The following MSH4 variants were observed in gnomAD, a reference collection of about 807,000 sequenced individuals.
The protein encoded by MSH4 is mutS protein homolog 4.
Under a neutral mutation model 113.7 loss-of-function variants are expected in MSH4, and 106 were observed. That is an observed-to-expected ratio of 0.93 (90% CI 0.80 to 1.10). MSH4 has a LOEUF of 1.10. Ranked by LOEUF, MSH4 falls within the 50% of genes least tolerant of loss-of-function variation. The pLI, the probability that MSH4 is intolerant of heterozygous loss-of-function variation, is 0.00. For missense variants in MSH4, 1,061 were observed against 1,093.7 expected (o/e 0.97, Z 0.42); for synonymous variants, 368 against 380.2 (o/e 0.97, Z 0.37).
At chr1:75,898,206 T>G in intron 18 of MSH4, 125 bp downstream of exon 18, 1 of 503,210 alleles carries the variant, frequency 2.0e-6, no homozygotes, top group Non-Finnish European at 3.4e-6. Context: ...AGTGCTTATA[T>G]TCTCTTAGAT....
rs149910287 is a variant in MSH4 at position 75,883,664 on chromosome 1, G to A, written c.1950G>A (p.Trp650Ter). The A allele has an allele frequency of 6.8e-6, 11 of 1,613,006 alleles. No individual in the cohort carries two copies. Among genetic ancestry groups the A allele is most frequent in the Non-Finnish European group, 9.3e-6 (11 of 1,179,578 alleles). ...ATACTTTAGCAATCAAACAGGGATGGCATCCTATTCTTGAAAAAATATCTG... is the reference window on the plus strand; with the variant it reads ...ATACTTTAGCAATCAAACAGGGATGACATCCTATTCTTGAAAAAATATCTG... Reference protein sequence around the residue: ...FTDTLAIKQGWHPILEKISAE... With the variant: ...FTDTLAIKQG Residue 650 changes from tryptophan (W) to a stop codon, truncating the protein, a stop_gained, in exon 15 of 20, where the codon TGG (tryptophan) becomes TGA (stop). Coordinates refer to ENST00000263187, the MANE Select transcript of MSH4 (RefSeq NM_002440.4). LOFTEE classifies it high-confidence loss of function.
chr1:75,853,213 C>T (rs56294618), intron 8 of MSH4, among the ~76,000 whole-genome samples: 11,664 of 151,874 alleles, frequency 0.077, 619 homozygotes, highest in African/African-American at 0.15. Flanking sequence ...TACAGGCACC[C>T]GCCACCATGC....
At chr1:75,819,208 A>G (rs1650354781) in intron 6 of MSH4, among the ~76,000 whole-genome samples, 2 of 152,154 alleles carry the variant, frequency 1.3e-5, no homozygotes, top group South Asian at 2.1e-4. Flanking sequence ...GTTATTGTCA[A>G]TGGCTAAGTG....
intron 7 of MSH4, 96 bp downstream of exon 7, chr1:75,822,677 G>T (rs191403592): frequency 1.6e-6 from 1 of 609,716 alleles, no homozygotes; most frequent in East Asian, 3.6e-5. Flanking sequence ...AGTAGTGAAG[G>T]TGTTAATTCT....
chr1:75,910,788 C>A (rs1158713106), intron 19 of MSH4, among the ~76,000 whole-genome samples: 1 of 152,112 alleles, frequency 6.6e-6, no homozygotes, highest in African/African-American at 2.4e-5. Flanking sequence ...AATTTATCAT[C>A]TTCTAAAAAA....
intron 17 of MSH4, among the ~76,000 whole-genome samples, chr1:75,895,815 A>G (rs942959502): frequency 6.6e-6 from 1 of 152,150 alleles, no homozygotes; most frequent in Non-Finnish European, 1.5e-5. Flanking sequence ...AGACAGTTGT[A>G]TCATATTAGA....
chr1:75,889,180 A>G, intron 15 of MSH4, 71 bp from the exon 16 acceptor site: 1 of 741,110 alleles, frequency 1.3e-6, no homozygotes, highest in Admixed American at 2.5e-5. Flanking sequence ...ATAATCTGAG[A>G]AGTACAAAAT....
In MSH4 at chr1:75,893,206, C is replaced by A. The variant is rs148275917; in HGVS notation, c.2355+2382C>A. Among the ~76,000 whole-genome samples, 434 of 152,222 alleles carry A rather than the reference C, an allele frequency of 2.9e-3. 5 individuals are homozygous for A. Among genetic ancestry groups the A allele is most frequent in the African/African-American group, 0.01 (420 of 41,538 alleles). The stretch of plus-strand genomic sequence containing the variant: ...AACATTTTAAATAACAAAAAAGCAC[C>A]AAATTGCCAGCTCATTGCTGCATAA... On this transcript the variant is annotated intron_variant, in intron 17 of 19. Coordinates refer to ENST00000263187, the MANE Select transcript of MSH4 (RefSeq NM_002440.4).
intron 16 of MSH4, among the ~76,000 whole-genome samples, chr1:75,890,239 G>T (rs148538623): frequency 6.6e-6 from 1 of 152,078 alleles, no homozygotes; most frequent in African/African-American, 2.4e-5. Flanking sequence ...CAAGAATCAA[G>T]ACTTAGGTAT....
intron 18 of MSH4, among the ~76,000 whole-genome samples, chr1:75,898,520 A>ATTT (rs35302747): frequency 9.1e-4 from 129 of 141,552 alleles, no homozygotes; most frequent in Middle Eastern, 3.7e-3. Flanking sequence ...ACCAAACCAT[A>ATTT]TTTTTTTTTT....
rs772803417 is a variant in MSH4 at position 75,912,729 on chromosome 1, CAG to C, written c.2658_2659del (p.Arg886SerfsTer8). 2 of 1,558,778 alleles carry C rather than the reference CAG, an allele frequency of 1.3e-6. No homozygotes were observed. Among genetic ancestry groups the C allele is most frequent in the East Asian group, 4.9e-5 (2 of 40,540 alleles). ...AAGGAGTACCCCTGAGATGGAAAGA[CAG>C]AGAGCTGTGTACCATCTAGCCACTA... is the stretch of plus-strand genomic sequence containing the variant. ...NQRSTPEMER[Q>X]RAVYHLATRL... On this transcript the variant is annotated frameshift_variant, in exon 20 of 20. Transcript: ENST00000263187. LOFTEE classifies it high-confidence loss of function.
rs1649826649 is a variant in MSH4, at chr1:75,797,027, G to A, written c.42G>A (p.Pro14=). The change falls in exon 1 of 20, where the codon CCG becomes CCA. Residue 14 remains proline, a synonymous_variant. Coordinates refer to ENST00000263187, the MANE Select transcript of MSH4 (RefSeq NM_002440.4). ...PEISSTSPSA[P]AVSPSSGETR... ...TCTCATCAACCTCGCCTTCTGCCCC[G>A]GCGGTTTCCCCGTCGTCGGGAGAAA... The A allele has an allele frequency of 3.7e-6, 6 of 1,613,982 alleles. No individual in the cohort carries two copies. The highest frequency in any genetic ancestry group is 1.3e-5 in the African/African-American group (1 of 74,934).
At chr1:75,873,587 A>G (rs1479325448) in intron 9 of MSH4, among the ~76,000 whole-genome samples, 4 of 151,810 alleles carry the variant, frequency 2.6e-5, no homozygotes, top group Non-Finnish European at 4.4e-5. Flanking sequence ...AGCAAACGCC[A>G]GTATCTGTTG....
intron 19 of MSH4, among the ~76,000 whole-genome samples, chr1:75,902,744 A>G (rs1158947718): frequency 8.8e-6 from 1 of 114,166 alleles, no homozygotes. Flanking sequence ...TAGTTCTTTT[A>G]GTTCTTTGAG....
intron 19 of MSH4, among the ~76,000 whole-genome samples, chr1:75,905,873 C>T (rs766290400): frequency 4.6e-5 from 7 of 152,042 alleles, no homozygotes; most frequent in South Asian, 2.1e-4. Context: ...GCTACTCCTG[C>T]TCTTTTTTGG....
chr1:75,872,231 T>G (rs1047859394), intron 9 of MSH4, among the ~76,000 whole-genome samples: 1 of 152,220 alleles, frequency 6.6e-6, no homozygotes, highest in Non-Finnish European at 1.5e-5. Context: ...ACAGGTCAGA[T>G]GTGCCAATGG....
In MSH4 at chr1:75,822,494, C is replaced by G. The variant is rs1024682087; in HGVS notation, c.1075C>G (p.Leu359Val). The G allele has an allele frequency of 1.9e-6, 3 of 1,583,002 alleles. 1 individual carries two copies. Among genetic ancestry groups the G allele is most frequent in the East Asian group, 4.6e-5 (2 of 43,424 alleles). Residue 359 changes from leucine (L) to valine (V), a missense_variant, in exon 7 of 20, where the codon CTA (leucine) becomes GTA (valine). Physicochemically the swap from Leu to Val is conservative, Grantham distance 32. Transcript: ENST00000263187. ...RRLRSNILEP[L>V]VDIETINMRL... ...ACTTCGTTCTAATATATTAGAGCCT[C>G]TAGTTGATATTGAAACCATTAACAT...
chr1:75,876,940 C>T lies in MSH4; in HGVS notation c.1310C>T (p.Ala437Val). The change falls in exon 10 of 20, where the codon GCT (alanine) becomes GTT (valine). Residue 437 changes from alanine (A) to valine (V), a missense_variant. By Grantham distance (64) the Ala-to-Val change is moderately conservative. Coordinates refer to ENST00000263187, the MANE Select transcript of MSH4 (RefSeq NM_002440.4). ...TTTTATTTTATTCTTTAATAGATTGCTATGAAGAACTGTAACACACCTTTA... is the reference window on the plus strand; with the variant it reads ...TTTTATTTTATTCTTTAATAGATTGTTATGAAGAACTGTAACACACCTTTA... ...TLELVDPLKI[A>V]MKNCNTPLLR... 1 of 1,526,914 alleles carries T rather than the reference C, an allele frequency of 6.5e-7. No homozygotes were observed. The highest frequency in any genetic ancestry group is 8.8e-7 in the Non-Finnish European group (1 of 1,131,946). 94.6% of individuals were successfully genotyped at this position (1,526,914 alleles called of 1,614,324 possible).
chr1:75,881,185 A>G, intron 13 of MSH4, 61 bp from the exon 14 acceptor site: 3 of 1,318,284 alleles, frequency 2.3e-6, no homozygotes, highest in Non-Finnish European at 3.2e-6. Context: ...TTATTTTACG[A>G]TTACAATGTA....
Sources: allele counts gnomAD v4.1 joint callset (sites outside exome capture counted in the v4.1 genomes callset), GRCh38; gene constraint gnomAD v4.1.1; transcripts MANE v1.5; gene names NCBI Gene and HGNC (gene_info 2026-07-23, HGNC 2026-07-21).